PCDHGB4: variants seen among roughly 807,000 people sequenced by gnomAD.
PCDHGB4 encodes the protein protocadherin gamma subfamily B, 4, also known as protocadherin gamma-B4.
PCDHGB4 carries 38 observed loss-of-function variants against 60.5 expected under a neutral mutation model. That is an observed-to-expected ratio of 0.63 (90% CI 0.48 to 0.82). The LOEUF (loss-of-function observed/expected upper bound fraction) is 0.82. Among genes scored for constraint, PCDHGB4 ranks in the 40% least tolerant of loss-of-function variants. The pLI is 0.00. For missense variants in PCDHGB4, 1,109 were observed against 1,209.6 expected (o/e 0.92, Z 1.23); for synonymous variants, 456 against 509.7 (o/e 0.89, Z 1.42).
chr5:141,398,018 A>G, intron 1 of PCDHGB4: 1 of 1,425,774 alleles, frequency 7.0e-7, no homozygotes, highest in East Asian at 2.5e-5. Flanking sequence ...TCGTTTCCTA[A>G]ACTGGAACTG....
rs753372015 is a variant in PCDHGB4 at position 141,422,180 on chromosome 5, T to C, written c.2397+31899T>C. The stretch of plus-strand genomic sequence containing the variant: ...TTTGAAAAATATAGATTCTATGAGA[T>C]GGAAATTCAAGGCCAAGATGGTGGA... On this transcript the variant is annotated intron_variant, in intron 1 of 3. Coordinates refer to ENST00000519479, the MANE Select transcript of PCDHGB4 (RefSeq NM_003736.4). 1.1e-5 allele frequency: 17 copies of C among 1,562,190 alleles called. No homozygotes were observed. In the African/African-American group the frequency reaches 1.9e-4, roughly 18 times the overall value.
intron 1 of PCDHGB4, chr5:141,413,330 T>G (rs770842309): frequency 6.2e-7 from 1 of 1,613,812 alleles, no homozygotes; most frequent in Non-Finnish European, 8.5e-7. Context: ...GTGGGCAACA[T>G]CTCCAAGGAC....
At chr5:141,422,566 A>G (rs2096656660) in intron 1 of PCDHGB4, 1 of 1,614,020 alleles carries the variant, frequency 6.2e-7, no homozygotes, top group Non-Finnish European at 8.5e-7. Flanking sequence ...GGCAGATGAC[A>G]ACGATAACCC....
chr5:141,393,304 T>A, intron 1 of PCDHGB4: 1 of 1,613,798 alleles, frequency 6.2e-7, no homozygotes, highest in African/African-American at 1.3e-5. Flanking sequence ...GATGTGGGCG[T>A]GAACTCCCTC....
chr5:141,419,830 T>G, intron 1 of PCDHGB4: 1 of 1,614,052 alleles, frequency 6.2e-7, no homozygotes, highest in African/African-American at 1.3e-5. Context: ...TTTCAGCCAC[T>G]GCCACGCTGC....
chr5:141,434,981 T>C (rs2097734526), intron 1 of PCDHGB4, among the ~76,000 whole-genome samples: 1 of 152,054 alleles, frequency 6.6e-6, no homozygotes. Flanking sequence ...GTTAATACTC[T>C]ATATCATTTT....
At chr5:141,501,606 G>A (rs2099810134) in intron 2 of PCDHGB4, among the ~76,000 whole-genome samples, 1 of 152,012 alleles carries the variant, frequency 6.6e-6, no homozygotes, top group African/African-American at 2.4e-5. Flanking sequence ...AGTTCCAGCT[G>A]TGTGACTCTG....
chr5:141,500,340 C>T (rs188966393), intron 2 of PCDHGB4, among the ~76,000 whole-genome samples: 1 of 151,950 alleles, frequency 6.6e-6, no homozygotes, highest in East Asian at 1.9e-4. Flanking sequence ...TCCAGAATAG[C>T]TGGGACTACA....
chr5:141,403,694 C>T (rs746395931), intron 1 of PCDHGB4: 3 of 1,613,760 alleles, frequency 1.9e-6, no homozygotes, highest in Admixed American at 3.3e-5. Flanking sequence ...ACGGATTTAC[C>T]GAGTTAAAGT....
intron 1 of PCDHGB4, chr5:141,478,623 G>GT (rs1337268572): frequency 1.3e-5 from 20 of 1,554,356 alleles, no homozygotes; most frequent in Admixed American, 3.9e-5. Flanking sequence ...GAATGGAGCT[G>GT]TTTTTTTAGT....
intron 3 of PCDHGB4, 118 bp downstream of exon 3, chr5:141,505,599 G>A (rs936757644): frequency 1.5e-5 from 23 of 1,555,468 alleles, no homozygotes; most frequent in South Asian, 2.4e-5. Flanking sequence ...CAGATCTTTC[G>A]GCAGGTCTGA....
Position 141,459,563 on chromosome 5 carries a change from C to T in PCDHGB4, c.2398-35244C>T, listed in dbSNP as rs1382676727. On this transcript the variant is annotated intron_variant, in intron 1 of 3. Coordinates refer to ENST00000519479, the MANE Select transcript of PCDHGB4 (RefSeq NM_003736.4). ...TTTTATTTCTCTTGGATAAATACCCCAAAACAGAATTGTTTTGGGGGTCAT... is the reference window on the plus strand; with the variant it reads ...TTTTATTTCTCTTGGATAAATACCCTAAAACAGAATTGTTTTGGGGGTCAT... Among the ~76,000 whole-genome samples, 21 of 152,044 alleles carry T rather than the reference C, an allele frequency of 1.4e-4. 1 individual carries two copies.
At chr5:141,408,651 C>G (rs373860648) in intron 1 of PCDHGB4, 3 of 1,614,012 alleles carry the variant, frequency 1.9e-6, no homozygotes, top group South Asian at 1.1e-5. Context: ...TCCGCTGGTA[C>G]ACGACTATCG....
Position 141,490,350 on chromosome 5 carries a change from G to T in PCDHGB4, c.2398-4457G>T. On this transcript the variant is annotated intron_variant, in intron 1 of 3. Transcript: ENST00000519479. This position sits in a 1 kb window ranked among gnomAD's most constrained non-coding sequence, Gnocchi z 5.4. Reference sequence around the variant, plus strand: ...GCACACCAGTGGGCACAGTAGTGGGGTTGTTTAATGTGCGAGACCGGGACT... The same window carrying T: ...GCACACCAGTGGGCACAGTAGTGGGTTTGTTTAATGTGCGAGACCGGGACT... 2 of 1,614,204 alleles carry T rather than the reference G, an allele frequency of 1.2e-6. No homozygotes were observed. The highest frequency in any genetic ancestry group is 1.7e-6 in the Non-Finnish European group (2 of 1,180,034).
chr5:141,409,491 C>T (rs747701093), intron 1 of PCDHGB4: 3 of 1,613,994 alleles, frequency 1.9e-6, no homozygotes, highest in East Asian at 2.2e-5. Flanking sequence ...AGGGGCAAGC[C>T]GCCTCTTTCT....
At chr5:141,438,591 C>CATACATAT (rs1228520343) in intron 1 of PCDHGB4, among the ~76,000 whole-genome samples, 2 of 75,562 alleles carry the variant, frequency 2.6e-5, no homozygotes, top group African/African-American at 4.5e-5. Context: ...TACATACATA[C>CATACATAT]ATATATATAT....
chr5:141,489,837 G>A lies in PCDHGB4; in HGVS notation c.2398-4970G>A. 6.2e-7 allele frequency: 1 copy of A among 1,614,204 alleles called. No individual in the cohort carries two copies. ...TCCCAGAGCTGGTGCTAGAGCAGCAGCTGGATCGTGAAGCCCAGGCAAGAC... is the reference window on the plus strand; with the variant it reads ...TCCCAGAGCTGGTGCTAGAGCAGCAACTGGATCGTGAAGCCCAGGCAAGAC... On this transcript the variant is annotated intron_variant, in intron 1 of 3. Transcript: ENST00000519479. This position sits in a 1 kb window ranked among gnomAD's most constrained non-coding sequence, Gnocchi z 4.5.
intron 1 of PCDHGB4, chr5:141,409,931 A>G: frequency 1.2e-6 from 2 of 1,613,260 alleles, no homozygotes; most frequent in Non-Finnish European, 1.7e-6. Flanking sequence ...GTTCTTCGAT[A>G]TGGTACCTCG....
At chr5:141,462,627 A>T (rs1200455153) in intron 1 of PCDHGB4, among the ~76,000 whole-genome samples, 1 of 150,276 alleles carries the variant, frequency 6.7e-6, no homozygotes, top group East Asian at 1.9e-4. Flanking sequence ...TAGAAGTTCC[A>T]TTTGACTCTT....
Sources: allele counts gnomAD v4.1 joint callset (sites outside exome capture counted in the v4.1 genomes callset), GRCh38; gene constraint gnomAD v4.1.1; non-coding constraint Gnocchi (gnomAD v3.1); transcripts MANE v1.5; gene names NCBI Gene and HGNC (gene_info 2026-07-23, HGNC 2026-07-21).